The following NEB variants were observed in gnomAD, a reference collection of about 807,000 sequenced individuals.
NEB encodes nemaline myopathy type 2.
NEB carries 512 observed loss-of-function variants against 952.2 expected under a neutral mutation model. The ratio of observed to expected loss-of-function variants is 0.54; its 90% CI spans 0.50 to 0.58. NEB has a LOEUF of 0.58. NEB is among the 20% of genes least tolerant of loss of function. The pLI is 0.00. For missense variants in NEB, 8,428 were observed against 9,231.1 expected (o/e 0.91, Z 3.56); for synonymous variants, 2,900 against 3,149.8 (o/e 0.92, Z 2.66).
Position 151,570,385 on chromosome 2 carries a change from T to C in NEB, c.17126A>G (p.Tyr5709Cys). The part of the protein sequence containing the change: ...ASREIASDYK[Y>C]KLDHEKQKGH... Reference sequence around the variant, plus strand: ...CTTCTGCTTCTCATGGTCAAGCTTATATTTATACTGGAGATGCAAAAATAA... The same window carrying C: ...CTTCTGCTTCTCATGGTCAAGCTTACATTTATACTGGAGATGCAAAAATAA... Residue 5709 changes from tyrosine to cysteine, a missense_variant, in exon 109 of 182, where the codon TAT (tyrosine) becomes TGT (cysteine). Transcript: ENST00000397345. 2 of 1,576,858 alleles carry C rather than the reference T, an allele frequency of 1.3e-6. No homozygotes were observed. The highest frequency in any genetic ancestry group is 2.2e-5 in the East Asian group (1 of 44,468).
At chr2:151,733,216 TTA>T in intron 2 of NEB, 31 bp from the exon 3 acceptor site, 1 of 1,392,044 alleles carries the variant, frequency 7.2e-7, no homozygotes, top group Non-Finnish European at 1.0e-6. Flanking sequence ...TGAAAACATA[TTA>T]GAGTCTATTC....
intron 10 of NEB, among the ~76,000 whole-genome samples, chr2:151,710,964 C>A (rs1355262281): frequency 1.3e-5 from 2 of 152,152 alleles, no homozygotes; most frequent in African/African-American, 2.4e-5. Flanking sequence ...AAGAAACAAC[C>A]ACAATAAAAT....
chr2:151,526,891 G>C (rs1559554395), intron 148 of NEB, 27 bp downstream of exon 148: 1 of 1,452,528 alleles, frequency 6.9e-7, no homozygotes, highest in East Asian at 2.4e-5. Context: ...GTGAGGTTAG[G>C]CATCATGGAA....
At chr2:151,697,696 C>T (rs532040825) in intron 13 of NEB, 48 bp from the exon 14 acceptor site, 58 of 1,186,408 alleles carry the variant, frequency 4.9e-5, no homozygotes, top group Non-Finnish European at 5.4e-5. Context: ...GTCACTCCCA[C>T]GCTGATTATA....
rs768826001 is a variant in NEB, at chr2:151,524,394, G to A, written c.22396C>T (p.Arg7466Cys). 48 of 1,613,804 alleles carry A rather than the reference G, an allele frequency of 3.0e-5. 1 individual carries two copies. Among genetic ancestry groups the A allele is most frequent in the South Asian group, 2.0e-4 (18 of 91,084 alleles). Reference sequence around the variant, plus strand: ...CTTAAGCCATGGCTGCCTTCCTTGCGGTGCTTGGCTCTGTACTCCACCTGA... The same window carrying A: ...CTTAAGCCATGGCTGCCTTCCTTGCAGTGCTTGGCTCTGTACTCCACCTGA... ...ASEVEYRAKH[R>C]KEGSHGLSML... The change falls in exon 153 of 182, where the codon CGC becomes TGC. Residue 7466 changes from arginine to cysteine, a missense_variant. Arg to Cys is a radical substitution (Grantham distance 180). Coordinates refer to ENST00000397345, the MANE Select transcript of NEB (RefSeq NM_001164508.2).
chr2:151,495,955 A>G (rs1191302121), intron 173 of NEB, among the ~76,000 whole-genome samples: 1 of 152,154 alleles, frequency 6.6e-6, no homozygotes, highest in Non-Finnish European at 1.5e-5. Flanking sequence ...CCCCACACGT[A>G]CCCGTCCTAA....
chr2:151,637,093 G>T (rs1311835624), intron 63 of NEB, among the ~76,000 whole-genome samples: 1 of 152,120 alleles, frequency 6.6e-6, no homozygotes, highest in Non-Finnish European at 1.5e-5. Flanking sequence ...CAAAGATGAG[G>T]TTGAGACCCC....
chr2:151,677,925 T>C lies in NEB; in HGVS notation c.3518A>G (p.Asp1173Gly). 6.2e-7 allele frequency: 1 copy of C among 1,613,752 alleles called. No homozygotes were observed. Among genetic ancestry groups the C allele is most frequent in the South Asian group, 1.1e-5 (1 of 91,048 alleles). ...CTTAGACAGCTCCAGGTCCATGGCGTCAGGCAAGTAGGTGTAATGATGGAG... is the reference window on the plus strand; with the variant it reads ...CTTAGACAGCTCCAGGTCCATGGCGCCAGGCAAGTAGGTGTAATGATGGAG... The part of the protein sequence containing the change: ...HSLHHYTYLP[D>G]AMDLELSKNM... Residue 1173 changes from aspartate (D) to glycine (G), a missense_variant, in exon 33 of 182, where the codon GAC becomes GGC. Asp to Gly is a moderately conservative substitution (Grantham distance 94, BLOSUM62 -1). Coordinates refer to ENST00000397345, the MANE Select transcript of NEB (RefSeq NM_001164508.2).
intron 145 of NEB, among the ~76,000 whole-genome samples, chr2:151,529,924 G>C (rs1265810022): frequency 1.3e-5 from 2 of 152,080 alleles, no homozygotes; most frequent in Non-Finnish European, 2.9e-5. Context: ...CAAATCTTGA[G>C]TTCAGAACAT....
Position 151,488,625 on chromosome 2 carries a change from G to A in NEB, c.25404+1346C>T, listed in dbSNP as rs2053296806. 2.0e-5 allele frequency among the ~76,000 whole-genome samples: 3 copies of A among 151,794 alleles called. No individual in the cohort carries two copies. In the South Asian group the frequency reaches 6.3e-4, roughly 32 times the overall value. On this transcript the variant is annotated intron_variant, in intron 181 of 181. Transcript: ENST00000397345. ...CATGCCACCACACTGCAGCCTGGGT[G>A]ATAGAGTGAGACCCTGTCTCTAAAA... is the stretch of plus-strand genomic sequence containing the variant.
intron 35 of NEB, 88 bp from the exon 36 acceptor site, chr2:151,674,672 A>AT (rs1345638811): frequency 2.3e-5 from 22 of 974,696 alleles, no homozygotes; most frequent in Non-Finnish European, 3.3e-5. Context: ...ACAGAAGTTG[A>AT]AGGAATCCCT....
intron 63 of NEB, among the ~76,000 whole-genome samples, chr2:151,638,032 A>G (rs1056914848): frequency 1.1e-4 from 16 of 152,336 alleles, no homozygotes; most frequent in African/African-American, 3.6e-4. Context: ...ACAGAATCTT[A>G]GATTCACAAA....
At chr2:151,629,762 G>C in intron 67 of NEB, 116 bp from the exon 68 acceptor site, 1 of 794,100 alleles carries the variant, frequency 1.3e-6, no homozygotes, top group Non-Finnish European at 2.0e-6. Flanking sequence ...GACAATTCAA[G>C]TTTCTGGCAA....
In NEB at chr2:151,491,522, A is replaced by C; in HGVS notation, c.25150+161T>G. The C allele has an allele frequency of 1.0e-5, 6 of 593,080 alleles. No homozygotes were observed. The South Asian group carries it at 1.3e-4, about 13-fold the overall frequency. The allele number at this position is 593,080 out of a possible 1,614,324, so 36.7% of individuals were successfully genotyped here. A position where few individuals can be genotyped will look rare whatever the true frequency, so the allele number is the denominator to read the frequency against. On this transcript the variant is annotated intron_variant, in intron 179 of 181. Transcript: ENST00000397345. Reference sequence around the variant, plus strand: ...TCTAACTTGAACTTATCTAGAAAGTAAGTTTTGCTCACTAGTTAACAAGGT... The same window carrying C: ...TCTAACTTGAACTTATCTAGAAAGTCAGTTTTGCTCACTAGTTAACAAGGT...
At chr2:151,649,930 C>T (rs1476722100) in intron 54 of NEB, among the ~76,000 whole-genome samples, 1 of 152,162 alleles carries the variant, frequency 6.6e-6, no homozygotes, top group Non-Finnish European at 1.5e-5. Context: ...TTTGTTCGAT[C>T]ATTTTCCCAT....
In NEB at chr2:151,552,770, A is replaced by C; in HGVS notation, c.19738T>G (p.Tyr6580Asp). ...CTTGTTTTCAACATGTGAGCTTTAT[A>C]CTTGATCTGCCGAGAGGAAGAAAAC... is the stretch of plus-strand genomic sequence containing the variant. ...HAYDLRDDIKYKAHMLKTRND... is the reference protein window; with the variant it reads ...HAYDLRDDIKDKAHMLKTRND... Residue 6580 changes from tyrosine to aspartate, a missense_variant, in exon 128 of 182, where the codon TAT (tyrosine) becomes GAT (aspartate). Transcript: ENST00000397345. 1.2e-6 allele frequency: 2 copies of C among 1,610,890 alleles called. No individual in the cohort carries two copies. The highest frequency in any genetic ancestry group is 1.7e-6 in the Non-Finnish European group (2 of 1,178,000).
At chr2:151,707,395 C>G (rs942843863) in intron 12 of NEB, among the ~76,000 whole-genome samples, 2 of 152,134 alleles carry the variant, frequency 1.3e-5, no homozygotes, top group Admixed American at 6.5e-5. Context: ...AGCTCTCAAC[C>G]CCCAGCTACC....
chr2:151,575,534 T>C (rs1232717440), intron 107 of NEB, among the ~76,000 whole-genome samples, 161 bp downstream of exon 107: 1 of 152,200 alleles, frequency 6.6e-6, no homozygotes, highest in African/African-American at 2.4e-5. Context: ...TCACCAGGGA[T>C]CTCCTCCTTG....
rs1020428315 is a variant in NEB, at chr2:151,665,654, T to A, written c.5032-115A>T. The stretch of plus-strand genomic sequence containing the variant: ...AGAGAAGCTGGGAGGGGGAGAATAA[T>A]CTGCTTTTTACTCCCTACAGTCTTT... On this transcript the variant is annotated intron_variant, in intron 41 of 181. Transcript: ENST00000397345. 4 of 884,952 alleles carry A rather than the reference T, an allele frequency of 4.5e-6. No homozygotes were observed. The African/African-American group carries it at 5.1e-5, about 11-fold the overall frequency. The allele number at this position is 884,952 out of a possible 1,614,324, so 54.8% of individuals were successfully genotyped here. A position where few individuals can be genotyped will look rare whatever the true frequency, so the allele number is the denominator to read the frequency against.
Sources: allele counts gnomAD v4.1 joint callset (sites outside exome capture counted in the v4.1 genomes callset), GRCh38; gene constraint gnomAD v4.1.1; transcripts MANE v1.5; gene names NCBI Gene and HGNC (gene_info 2026-07-23, HGNC 2026-07-21).